NCOR1: variants seen among roughly 807,000 people sequenced by gnomAD.
NCOR1 encodes the protein protein phosphatase 1, regulatory subunit 109.
A neutral mutation model predicts 288.1 loss-of-function variants in NCOR1; 63 were observed. The observed-to-expected ratio is 0.22, with a 90% confidence interval of 0.18 to 0.27. The LOEUF (loss-of-function observed/expected upper bound fraction) is 0.27. Among genes scored for constraint, NCOR1 ranks in the 10% least tolerant of loss-of-function variants. The pLI, the probability that NCOR1 is intolerant of heterozygous loss-of-function variation, is 1.00. For missense variants in NCOR1, 2,397 were observed against 3,019.2 expected, an observed-to-expected ratio of 0.79 and a Z score of 4.83; for synonymous variants, 1,007 against 1,065.9, an observed-to-expected ratio of 0.94 and a Z score of 1.08.
At chr17:16,069,615 T>C (rs1304983205) in intron 31 of NCOR1, among the ~76,000 whole-genome samples, 3 of 152,212 alleles carry the variant, frequency 2.0e-5, no homozygotes, top group Non-Finnish European at 1.5e-5. Flanking sequence ...TTCACATTTA[T>C]CGAGCCCTTC....
intron 14 of NCOR1, among the ~76,000 whole-genome samples, chr17:16,129,494 C>T (rs531243661): frequency 3.9e-5 from 6 of 152,298 alleles, no homozygotes; most frequent in South Asian, 2.1e-4. Flanking sequence ...ATATTTATTG[C>T]TAGAGAAAAC....
In NCOR1 at chr17:16,064,970, T is replaced by C; in HGVS notation, c.5001A>G (p.Pro1667=). Residue 1667 remains proline (P), a synonymous_variant, in exon 34 of 46, where the codon CCA becomes CCG. Transcript: ENST00000268712. Reference sequence around the variant, plus strand: ...CCATGGGAGGAGTGCTTGTTCCCCCTGGATGAGGCACTAAAATTGTTGGAG... The same window carrying C: ...CCATGGGAGGAGTGCTTGTTCCCCCCGGATGAGGCACTAAAATTGTTGGAG... The part of the protein sequence containing the change: ...NMPPTILVPH[P]GGTSTPPMDR... 1 of 1,613,952 alleles carries C rather than the reference T, an allele frequency of 6.2e-7. No individual in the cohort carries two copies. Among genetic ancestry groups the C allele is most frequent in the Non-Finnish European group, 8.5e-7 (1 of 1,179,854 alleles).
intron 45 of NCOR1, 115 bp from the exon 46 acceptor site, chr17:16,032,598 A>T: frequency 2.0e-6 from 2 of 984,100 alleles, no homozygotes; most frequent in African/African-American, 3.3e-5. Context: ...ATGTGACACC[A>T]TGAAAGCAAA....
Position 16,185,824 on chromosome 17 carries a change from A to G in NCOR1, c.242+730T>C, listed in dbSNP as rs192118038. On this transcript the variant is annotated intron_variant, in intron 3 of 45. Coordinates refer to ENST00000268712, the MANE Select transcript of NCOR1 (RefSeq NM_006311.4). ...CTACAAAAAATACAAAAAATTAGCC[A>G]GGACTGGGAGACTAAGGTGGGAGAA... Among the ~76,000 whole-genome samples the G allele has an allele frequency of 5.4e-3, 811 of 151,156 alleles. 4 individuals carry two copies. The highest frequency in any genetic ancestry group is 0.019 in the African/African-American group (768 of 41,214).
At chr17:16,154,557 G>A (rs1299555244) in intron 6 of NCOR1, among the ~76,000 whole-genome samples, 1 of 152,172 alleles carries the variant, frequency 6.6e-6, no homozygotes, top group Non-Finnish European at 1.5e-5. Context: ...GACAGCAGGG[G>A]CAACATAGCG....
intron 18 of NCOR1, 63 bp downstream of exon 18, chr17:16,117,822 AAAC>A (rs1247939182): frequency 1.5e-4 from 234 of 1,518,574 alleles, no homozygotes; most frequent in Middle Eastern, 3.9e-4. Context: ...ACTCCATCTC[AAAC>A]AACAACAACA....
intron 32 of NCOR1, among the ~76,000 whole-genome samples, chr17:16,067,165 A>G (rs1362416654): frequency 6.6e-6 from 1 of 152,220 alleles, no homozygotes; most frequent in African/African-American, 2.4e-5. Flanking sequence ...TGCCCAGCAG[A>G]CTGCTCTCTA....
intron 45 of NCOR1, 137 bp downstream of exon 45, chr17:16,034,628 A>AGTGGAAC: frequency 1.3e-6 from 1 of 796,858 alleles, no homozygotes; most frequent in Non-Finnish European, 2.0e-6. Flanking sequence ...TATTCGGGAA[A>AGTGGAAC]GTGGAACATA....
At chr17:16,212,595 A>G (rs1259016386) in intron 1 of NCOR1, among the ~76,000 whole-genome samples, 2 of 152,242 alleles carry the variant, frequency 1.3e-5, no homozygotes. Flanking sequence ...AGAATTTGAA[A>G]TTACAACTAA....
intron 10 of NCOR1, 27 bp from the exon 11 acceptor site, chr17:16,143,723 A>C: frequency 2.6e-6 from 4 of 1,513,668 alleles, no homozygotes; most frequent in Non-Finnish European, 3.6e-6. Flanking sequence ...AATTAAAAAT[A>C]TATTTAAAGA....
At chr17:16,203,537 G>A (rs551710638) in intron 1 of NCOR1, among the ~76,000 whole-genome samples, 2 of 152,264 alleles carry the variant, frequency 1.3e-5, no homozygotes, top group South Asian at 4.1e-4. Flanking sequence ...TATAAGGTAA[G>A]CTCCCACAAG....
chr17:16,075,982 T>A (rs151200720), intron 26 of NCOR1, among the ~76,000 whole-genome samples: 261 of 152,352 alleles, frequency 1.7e-3, no homozygotes, highest in Non-Finnish European at 2.6e-3. Context: ...TATTACAGGA[T>A]TTAACTCTCA....
Position 16,032,435 on chromosome 17 carries a change from C to T in NCOR1, c.7184G>A (p.Ser2395Asn), listed in dbSNP as rs763920046. The change falls in exon 46 of 46, where the codon AGT becomes AAT. Residue 2395 changes from serine (S) to asparagine (N), a missense_variant. Coordinates refer to ENST00000268712, the MANE Select transcript of NCOR1 (RefSeq NM_006311.4). ...ACATGCAATCGGTGTTGGTGGAGTA[C>T]TGCTGAGCATCCGCATAGTCAGAGG... is the stretch of plus-strand genomic sequence containing the variant. Reference protein sequence around the residue: ...YNPLTMRMLSSTPPTPIACAP... With the variant: ...YNPLTMRMLSNTPPTPIACAP... 1.2e-6 allele frequency: 2 copies of T among 1,613,274 alleles called. No homozygotes were observed. Among genetic ancestry groups the T allele is most frequent in the South Asian group, 1.1e-5 (1 of 90,840 alleles).
At chr17:16,180,796 T>C (rs1045687445) in intron 3 of NCOR1, among the ~76,000 whole-genome samples, 54 of 152,200 alleles carry the variant, frequency 3.5e-4, no homozygotes, top group African/African-American at 1.2e-3. Context: ...CCCATATTCA[T>C]GGCAGCATCA....
At chr17:16,107,428 T>C (rs1341801750) in intron 19 of NCOR1, among the ~76,000 whole-genome samples, 1 of 152,118 alleles carries the variant, frequency 6.6e-6, no homozygotes, top group Non-Finnish European at 1.5e-5. Context: ...GGAAAGGCCA[T>C]GTAAGGACAA....
intron 28 of NCOR1, among the ~76,000 whole-genome samples, chr17:16,073,186 T>A (rs894697514): frequency 2.6e-5 from 4 of 152,226 alleles, no homozygotes; most frequent in African/African-American, 9.6e-5. Flanking sequence ...AATAGTAACC[T>A]ATGATATGAC....
intron 18 of NCOR1, among the ~76,000 whole-genome samples, chr17:16,112,262 C>G (rs2070424907): frequency 6.6e-6 from 1 of 152,170 alleles, no homozygotes; most frequent in African/African-American, 2.4e-5. Flanking sequence ...AAGTCTTTAT[C>G]TTGTCAGTAG....
chr17:16,111,011 C>T (rs1233994393), intron 18 of NCOR1, among the ~76,000 whole-genome samples: 1 of 152,050 alleles, frequency 6.6e-6, no homozygotes, highest in Non-Finnish European at 1.5e-5. Flanking sequence ...GCTGTGTTGC[C>T]CAGACTGGTC....
intron 35 of NCOR1, among the ~76,000 whole-genome samples, chr17:16,062,914 G>A (rs2060693443): frequency 6.6e-6 from 1 of 152,148 alleles, no homozygotes; most frequent in African/African-American, 2.4e-5. Flanking sequence ...CCATAACCAA[G>A]TCAGAGCTTG....
Sources: allele counts gnomAD v4.1 joint callset (sites outside exome capture counted in the v4.1 genomes callset), GRCh38; gene constraint gnomAD v4.1.1; transcripts MANE v1.5; gene names NCBI Gene and HGNC (gene_info 2026-07-23, HGNC 2026-07-21).